Variants in SOX5 observed in about 807,000 individuals in gnomAD.
SOX5 encodes SRY-box transcription factor 5, also known as transcription factor SOX-5.
Under a neutral mutation model 92.0 loss-of-function variants are expected in SOX5, and 9 were observed. The observed-to-expected ratio is 0.10, with a 90% CI of 0.06 to 0.17. SOX5 has a LOEUF of 0.17. Ranked by LOEUF, SOX5 falls within the 10% of genes least tolerant of loss-of-function variation. The probability of loss-of-function intolerance (pLI) is 1.00; values close to 1 mark genes in which losing one functional copy is unlikely to be tolerated. For synonymous variants in SOX5, 344 were observed against 336.3 expected, an observed-to-expected ratio of 1.02 and a Z score of -0.25; for missense variants, 642 against 944.5, an observed-to-expected ratio of 0.68 and a Z score of 4.20.
At chr12:23,907,169 CAT>C (rs2097302976) in intron 1 of SOX5, among the ~76,000 whole-genome samples, 1 of 151,804 alleles carries the variant, frequency 6.6e-6, no homozygotes, top group Non-Finnish European at 1.5e-5. Flanking sequence ...TATATGCAAC[CAT>C]GTGTGTGCAT....
At chr12:24,349,042 G>A (rs917893637) in intron 2 of SOX5, among the ~76,000 whole-genome samples, 3 of 152,186 alleles carry the variant, frequency 2.0e-5, no homozygotes, top group Non-Finnish European at 2.9e-5. Context: ...GGCAGTGTGA[G>A]AATGGACTAA....
intron 3 of SOX5, among the ~76,000 whole-genome samples, chr12:23,834,981 G>A (rs115435746): frequency 1.3e-3 from 198 of 151,918 alleles, no homozygotes; most frequent in African/African-American, 4.5e-3. Context: ...GATTTCTAAC[G>A]TTCTTGACAT....
intron 10 of SOX5, among the ~76,000 whole-genome samples, chr12:23,565,889 C>A (rs1946985407): frequency 1.3e-5 from 2 of 152,178 alleles, no homozygotes; most frequent in South Asian, 4.1e-4. Context: ...AAATCCTTAA[C>A]CCTGCTGACT....
chr12:24,127,630 C>A (rs1457970643), intron 4 of SOX5, among the ~76,000 whole-genome samples: 1 of 152,114 alleles, frequency 6.6e-6, no homozygotes, highest in Non-Finnish European at 1.5e-5. Context: ...GAGACTATAT[C>A]TTTGTTTTAC....
chr12:24,473,145 G>A (rs1367850606), intron 1 of SOX5, among the ~76,000 whole-genome samples: 2 of 151,966 alleles, frequency 1.3e-5, no homozygotes, highest in Admixed American at 1.3e-4. Flanking sequence ...GAGGGAGTCC[G>A]TTTTAAAACT....
intron 2 of SOX5, among the ~76,000 whole-genome samples, chr12:24,299,434 T>C (rs772931955): frequency 3.9e-5 from 6 of 152,176 alleles, no homozygotes; most frequent in South Asian, 2.1e-4. Context: ...TAAGTATTTT[T>C]TTTTTCCTTT....
intron 4 of SOX5, among the ~76,000 whole-genome samples, chr12:24,112,898 T>C (rs1284080393): frequency 6.6e-6 from 1 of 151,998 alleles, no homozygotes; most frequent in Non-Finnish European, 1.5e-5. Flanking sequence ...TAACGGTCTT[T>C]AGGGTTCCAT....
chr12:23,843,771 C>A (rs2096545039), intron 3 of SOX5, among the ~76,000 whole-genome samples: 1 of 151,798 alleles, frequency 6.6e-6, no homozygotes, highest in African/African-American at 2.4e-5. Context: ...ACCATGTTGG[C>A]CAAGCTGGTC....
intron 6 of SOX5, among the ~76,000 whole-genome samples, chr12:23,693,404 G>C (rs1009600746): frequency 1.3e-5 from 2 of 152,080 alleles, no homozygotes; most frequent in African/African-American, 4.8e-5. Flanking sequence ...GATTACAGGG[G>C]TGAGCCACTG....
intron 4 of SOX5, among the ~76,000 whole-genome samples, chr12:24,103,252 T>C (rs1172567766): frequency 1.3e-5 from 2 of 152,222 alleles, no homozygotes; most frequent in Non-Finnish European, 2.9e-5. Context: ...CAATTTTTGT[T>C]TAAGAAAAGG....
Position 23,991,036 on chromosome 12 carries a change from G to A in SOX5, c.-1-95012C>T, listed in dbSNP as rs983397735. On this transcript the variant is annotated intron_variant, in intron 4 of 4. Transcript: ENST00000446891. Reference sequence around the variant, plus strand: ...AAATCCTAGAGGCCAAATGAGCTTCGTAATACTGAAAAAAAAATGTGCTAT... The same window carrying A: ...AAATCCTAGAGGCCAAATGAGCTTCATAATACTGAAAAAAAAATGTGCTAT... Among the ~76,000 whole-genome samples the A allele has an allele frequency of 9.1e-5, 13 of 142,358 alleles. No homozygotes were observed. In the East Asian group the frequency reaches 9.8e-4, roughly 11 times the overall value. 93.4% of individuals were successfully genotyped at this position (142,358 alleles called of 152,430 possible). A position where few individuals can be genotyped will look rare whatever the true frequency, so the allele number is the denominator to read the frequency against.
chr12:24,157,529 C>A (rs111685281), intron 4 of SOX5, among the ~76,000 whole-genome samples: 2 of 152,050 alleles, frequency 1.3e-5, no homozygotes, highest in Non-Finnish European at 2.9e-5. Context: ...AATGGGGCAA[C>A]GCAACTGTTT....
chr12:24,432,508 A>T lies in SOX5; in HGVS notation c.-250-63869T>A, dbSNP rs1973565. 4.6e-3 allele frequency among the ~76,000 whole-genome samples: 705 copies of T among 152,274 alleles called. 11 individuals carry two copies. In the East Asian group the frequency reaches 0.051, roughly 11 times the overall value. On this transcript the variant is annotated intron_variant, in intron 1 of 4. Transcript: ENST00000446891. ...TCTGAGGTAGTAGAAAATTCTAAAA[A>T]GTTACATATAAAATCCAGGATATCA...
intron 3 of SOX5, among the ~76,000 whole-genome samples, chr12:24,247,462 A>C (rs1318037486): frequency 6.6e-6 from 1 of 151,962 alleles, no homozygotes; most frequent in Non-Finnish European, 1.5e-5. Context: ...GTTTATGCTA[A>C]GGCCCAGGAA....
At position 24,365,338 on chromosome 12, in the gene SOX5, A is replaced by G. The variant is rs573044221; in HGVS notation, c.-174+3225T>C. Among the ~76,000 whole-genome samples the G allele has an allele frequency of 2.0e-5, 3 of 152,252 alleles. 1 individual carries two copies. Among genetic ancestry groups the G allele is most frequent in the Admixed American group, 2.0e-4 (3 of 15,298 alleles). On this transcript the variant is annotated intron_variant, in intron 2 of 4. Transcript: ENST00000446891. ...CTTCTTTCAAGAAAGTAAGGAATCTATGTAACAATAAAGCATAATCATGAC... is the reference window on the plus strand; with the variant it reads ...CTTCTTTCAAGAAAGTAAGGAATCTGTGTAACAATAAAGCATAATCATGAC...
chr12:24,453,501 C>A (rs1942612028), intron 1 of SOX5, among the ~76,000 whole-genome samples: 1 of 152,136 alleles, frequency 6.6e-6, no homozygotes. Context: ...CTTAACTATC[C>A]TTAAATTGTA....
At chr12:24,451,401 T>A (rs779045238) in intron 1 of SOX5, among the ~76,000 whole-genome samples, 2 of 152,258 alleles carry the variant, frequency 1.3e-5, no homozygotes, top group Middle Eastern at 6.8e-3. Flanking sequence ...TTGCTCTAAT[T>A]TACACTCCCA....
intron 1 of SOX5, among the ~76,000 whole-genome samples, chr12:24,499,376 C>A (rs1310780482): frequency 6.6e-6 from 1 of 152,194 alleles, no homozygotes; most frequent in Admixed American, 6.5e-5. Flanking sequence ...AAGTCAACAG[C>A]ATGAGGTGTG....
intron 1 of SOX5, among the ~76,000 whole-genome samples, chr12:23,904,986 G>A (rs567892485): frequency 1.3e-5 from 2 of 151,952 alleles, no homozygotes; most frequent in African/African-American, 4.8e-5. Flanking sequence ...CCCAGGAAAT[G>A]GTATAAAATG....
Sources: allele counts gnomAD v4.1 joint callset (sites outside exome capture counted in the v4.1 genomes callset), GRCh38; gene constraint gnomAD v4.1.1; transcripts MANE v1.5; gene names NCBI Gene and HGNC (gene_info 2026-07-23, HGNC 2026-07-21).